The following TMEM178B variants were observed in gnomAD, a reference collection of about 807,000 sequenced individuals.
TMEM178B encodes the protein transmembrane protein 178B.
In TMEM178B, 5 loss-of-function variants were observed where a neutral mutation model predicts 31.0. The observed-to-expected ratio is 0.16, with a 90% CI of 0.08 to 0.34. The LOEUF (loss-of-function observed/expected upper bound fraction) is 0.34. TMEM178B is among the 10% of genes least tolerant of loss of function. The pLI, the probability that TMEM178B is intolerant of heterozygous loss-of-function variation, is 1.00. For synonymous variants in TMEM178B, 164 were observed against 164.0 expected, an observed-to-expected ratio of 1.00 and a Z score of 0.00; for missense variants, 275 against 400.3, an observed-to-expected ratio of 0.69 and a Z score of 2.67.
intron 2 of TMEM178B, among the ~76,000 whole-genome samples, chr7:141,276,883 A>G (rs1798275647): frequency 6.6e-6 from 1 of 152,242 alleles, no homozygotes; most frequent in African/African-American, 2.4e-5. Flanking sequence ...CTGTAACACA[A>G]TAGTATTCGT....
intron 2 of TMEM178B, among the ~76,000 whole-genome samples, chr7:141,363,522 G>T (rs11983084): frequency 0.022 from 3,423 of 152,254 alleles, 122 homozygotes; most frequent in African/African-American, 0.078. Flanking sequence ...GCTCATGGGT[G>T]GGAGACCAGG....
At chr7:141,277,001 G>A (rs533630227) in intron 2 of TMEM178B, among the ~76,000 whole-genome samples, 111 of 152,338 alleles carry the variant, frequency 7.3e-4, no homozygotes, top group Middle Eastern at 3.4e-3. Flanking sequence ...TTGCAGAACT[G>A]GAAGTTGCTC....
At chr7:141,189,986 G>T (rs1796671093) in intron 1 of TMEM178B, among the ~76,000 whole-genome samples, 1 of 152,136 alleles carries the variant, frequency 6.6e-6, no homozygotes. Context: ...TCTTTTTTAT[G>T]ATTTTAACTT....
At chr7:141,345,637 C>T (rs192423593) in intron 2 of TMEM178B, among the ~76,000 whole-genome samples, 10 of 152,210 alleles carry the variant, frequency 6.6e-5, no homozygotes, top group African/African-American at 2.2e-4. Flanking sequence ...ACAGATGGTT[C>T]GTGTTTCACA....
intron 2 of TMEM178B, among the ~76,000 whole-genome samples, chr7:141,419,772 T>C (rs1395885707): frequency 2.6e-5 from 4 of 152,178 alleles, no homozygotes; most frequent in Non-Finnish European, 5.9e-5. Flanking sequence ...GGATGGAAAA[T>C]TGGAACATGT....
chr7:141,275,884 A>T (rs1348117629), intron 2 of TMEM178B, among the ~76,000 whole-genome samples: 1 of 152,226 alleles, frequency 6.6e-6, no homozygotes, highest in Non-Finnish European at 1.5e-5. Flanking sequence ...TGATTTGTGA[A>T]GATTCAGAGG....
At position 141,316,054 on chromosome 7, in the gene TMEM178B, T is replaced by C. The variant is rs968844580; in HGVS notation, c.496+103350T>C. Among the ~76,000 whole-genome samples the C allele has an allele frequency of 2.0e-5, 3 of 151,994 alleles. No homozygotes were observed. The East Asian group carries it at 5.8e-4, about 29-fold the overall frequency. On this transcript the variant is annotated intron_variant, in intron 2 of 3. Coordinates refer to ENST00000565468, the MANE Select transcript of TMEM178B (RefSeq NM_001195278.2). ...ATTTTCCTTGATGAGCCTGTGAGAG[T>C]GATGCCCGGGGTGGAATTTGCCAGT...
intron 1 of TMEM178B, among the ~76,000 whole-genome samples, chr7:141,123,576 A>G (rs1795442560): frequency 6.6e-6 from 1 of 152,148 alleles, no homozygotes; most frequent in African/African-American, 2.4e-5. Flanking sequence ...ACTGGTGACC[A>G]CTGTGAACTC....
At chr7:141,457,241 A>G (rs918973450) in intron 3 of TMEM178B, among the ~76,000 whole-genome samples, 17 of 152,232 alleles carry the variant, frequency 1.1e-4, no homozygotes, top group Admixed American at 1.3e-4. Flanking sequence ...CTTTACAGCA[A>G]AATCAAATGT....
chr7:141,434,851 A>G (rs765744791), intron 2 of TMEM178B, among the ~76,000 whole-genome samples: 1 of 152,240 alleles, frequency 6.6e-6, no homozygotes, highest in Non-Finnish European at 1.5e-5. Flanking sequence ...GAGTGAGAAC[A>G]TGCAATATTT....
At chr7:141,345,402 G>A (rs1799600957) in intron 2 of TMEM178B, among the ~76,000 whole-genome samples, 1 of 152,216 alleles carries the variant, frequency 6.6e-6, no homozygotes, top group South Asian at 2.1e-4. Context: ...TTCTGGAAAA[G>A]TAGGGTATCT....
chr7:141,178,159 T>C (rs1796463683), intron 1 of TMEM178B, among the ~76,000 whole-genome samples: 1 of 152,206 alleles, frequency 6.6e-6, no homozygotes, highest in South Asian at 2.1e-4. Flanking sequence ...CTCTCTGCCA[T>C]TTCCTTGTCT....
chr7:141,150,186 T>C (rs763835769), intron 1 of TMEM178B, among the ~76,000 whole-genome samples: 1 of 152,072 alleles, frequency 6.6e-6, no homozygotes, highest in Non-Finnish European at 1.5e-5. Flanking sequence ...CATTAGCATA[T>C]AGATGGCATT....
intron 1 of TMEM178B, among the ~76,000 whole-genome samples, chr7:141,191,618 C>A (rs1309185327): frequency 6.6e-6 from 1 of 152,206 alleles, no homozygotes; most frequent in Non-Finnish European, 1.5e-5. Context: ...AGTATCTTTT[C>A]ATATGTTTAA....
chr7:141,252,990 A>G (rs1308482207), intron 2 of TMEM178B, among the ~76,000 whole-genome samples: 2 of 152,218 alleles, frequency 1.3e-5, no homozygotes, highest in Non-Finnish European at 2.9e-5. Context: ...GCACCACCAG[A>G]AAACCAGAGG....
intron 2 of TMEM178B, among the ~76,000 whole-genome samples, chr7:141,306,921 G>A (rs1798825247): frequency 6.6e-6 from 1 of 152,072 alleles, no homozygotes; most frequent in African/African-American, 2.4e-5. Flanking sequence ...AGACTATGTG[G>A]TCTGTCCCAC....
chr7:141,163,263 A>C (rs2129181893), intron 1 of TMEM178B, among the ~76,000 whole-genome samples: 1 of 152,336 alleles, frequency 6.6e-6, no homozygotes, highest in African/African-American at 2.4e-5. Context: ...TAATGGTGGA[A>C]GCCGCACAAG....
chr7:141,464,483 C>A (rs1480958047), intron 3 of TMEM178B, among the ~76,000 whole-genome samples: 2 of 152,178 alleles, frequency 1.3e-5, no homozygotes, highest in East Asian at 3.9e-4. Flanking sequence ...ACTTCATCTT[C>A]AACTTTTCAT....
chr7:141,261,247 C>T (rs1372648677), intron 2 of TMEM178B, among the ~76,000 whole-genome samples: 1 of 151,936 alleles, frequency 6.6e-6, no homozygotes, highest in East Asian at 1.9e-4. Context: ...GCAGTGCGCT[C>T]TCTTCTATTA....
Sources: gnomAD v4.1 joint callset for allele counts (sites outside exome capture counted in the v4.1 genomes callset) on GRCh38, gnomAD v4.1.1 for gene constraint, MANE v1.5 for transcripts, NCBI Gene and HGNC (gene_info 2026-07-23, HGNC 2026-07-21) for gene names.